The following RBL2 variants were observed in gnomAD, a reference collection of about 807,000 sequenced individuals.
The protein encoded by RBL2 is RB transcriptional corepressor like 2.
RBL2 carries 56 observed loss-of-function variants against 126.0 expected under a neutral mutation model. That is an observed-to-expected ratio of 0.44 (90% confidence interval 0.36 to 0.56). RBL2 has a LOEUF of 0.56. Ranked by LOEUF, RBL2 falls within the 20% of genes least tolerant of loss-of-function variation. The probability of loss-of-function intolerance (pLI) is 0.00; values close to 1 mark genes in which losing one functional copy is unlikely to be tolerated. For missense variants in RBL2, 1,229 were observed against 1,398.2 expected (o/e 0.88, Z 1.93); for synonymous variants, 454 against 478.5 (o/e 0.95, Z 0.67).
At chr16:53,454,244 G>A (rs1052123069) in intron 7 of RBL2, 35 of 451,358 alleles carry the variant, frequency 7.8e-5, no homozygotes, top group Non-Finnish European at 1.2e-4. Context: ...TCGCTGTGTC[G>A]CCCAGGCTGG....
At position 53,434,507 on chromosome 16, in the gene RBL2, C is replaced by T. The variant is rs753622817; in HGVS notation, c.-50C>T. The T allele has an allele frequency of 1.6e-5, 22 of 1,348,274 alleles. No individual in the cohort carries two copies. In the South Asian group the frequency reaches 3.6e-4, roughly 22 times the overall value. 83.5% of individuals were successfully genotyped at this position (1,348,274 alleles called of 1,614,324 possible). A position where few individuals can be genotyped will look rare whatever the true frequency, so the allele number is the denominator to read the frequency against. On this transcript the variant is annotated 5_prime_UTR_variant, in exon 1 of 22. Coordinates refer to ENST00000262133, the MANE Select transcript of RBL2 (RefSeq NM_005611.4). ...GGGCGCTTCGCCGTTTGAATGGCTGCGGGCCCGGGCCCTCACCTCACCTGA... is the reference window on the plus strand; with the variant it reads ...GGGCGCTTCGCCGTTTGAATGGCTGTGGGCCCGGGCCCTCACCTCACCTGA...
intron 16 of RBL2, 37 bp from the exon 17 acceptor site, chr16:53,470,709 A>G: frequency 6.2e-7 from 1 of 1,612,196 alleles, no homozygotes; most frequent in Non-Finnish European, 8.5e-7. Context: ...GGGAAATACA[A>G]GTGTTAAACA....
At chr16:53,451,992 T>TA (rs2058120118) in intron 5 of RBL2, among the ~76,000 whole-genome samples, 161 bp downstream of exon 5, 1 of 152,026 alleles carries the variant, frequency 6.6e-6, no homozygotes, top group Non-Finnish European at 1.5e-5. Flanking sequence ...GTAAAAATAT[T>TA]TTTGGATAAA....
At chr16:53,448,598 C>T (rs1311970414) in intron 4 of RBL2, 1 of 152,398 alleles carries the variant, frequency 6.6e-6, no homozygotes, top group East Asian at 1.9e-4. Flanking sequence ...ATTCTTGTGG[C>T]TCAGCCTCTT....
At chr16:53,489,646 A>G (rs1961324159) in intron 21 of RBL2, 1 of 152,236 alleles carries the variant, frequency 6.6e-6, no homozygotes, top group Non-Finnish European at 1.5e-5. Context: ...ATTAGCTACA[A>G]TGGATACCTT....
At chr16:53,486,126 A>G (rs1462567419) in intron 21 of RBL2, among the ~76,000 whole-genome samples, 8 of 34,908 alleles carry the variant, frequency 2.3e-4, no homozygotes, top group African/African-American at 9.2e-4. Context: ...CTTGTCTCTG[A>G]AAAAAAAAAA....
chr16:53,485,085 G>T (rs982086096), intron 21 of RBL2, among the ~76,000 whole-genome samples: 7 of 151,612 alleles, frequency 4.6e-5, no homozygotes, highest in African/African-American at 1.7e-4. Context: ...TACAGAAGAT[G>T]TAGACATTAT....
rs1443534126 is a variant in RBL2 at position 53,490,404 on chromosome 16, G to A, written c.*104G>A. On this transcript the variant is annotated 3_prime_UTR_variant, in exon 22 of 22. Coordinates refer to ENST00000262133, the MANE Select transcript of RBL2 (RefSeq NM_005611.4). ...TCCTTAATCCAGCTGATGAGTTACA[G>A]CCTGTTAGTAACATGAGGGGACATT... 1.9e-6 allele frequency: 2 copies of A among 1,026,752 alleles called. No individual in the cohort carries two copies. The highest frequency in any genetic ancestry group is 2.7e-6 in the Non-Finnish European group (2 of 730,082). 63.6% of individuals were successfully genotyped at this position (1,026,752 alleles called of 1,614,324 possible).
intron 2 of RBL2, among the ~76,000 whole-genome samples, chr16:53,441,903 C>G (rs187007742): frequency 2.0e-5 from 3 of 152,204 alleles, no homozygotes; most frequent in African/African-American, 7.2e-5. Context: ...TCACTGCAAC[C>G]TCCGCCTCCC....
chr16:53,466,997 T>C, intron 13 of RBL2, 61 bp from the exon 14 acceptor site: 2 of 1,156,420 alleles, frequency 1.7e-6, no homozygotes, highest in East Asian at 4.8e-5. Context: ...AGATTACTAT[T>C]GTATTTGTAA....
Position 53,470,160 on chromosome 16 carries a change from G to A in RBL2, c.2220G>A (p.Gly740=). Residue 740 remains glycine, a synonymous_variant, in exon 15 of 22, where the codon GGG becomes GGA. Coordinates refer to ENST00000262133, the MANE Select transcript of RBL2 (RefSeq NM_005611.4). ...MATATVTANN[G]QTVTIPVQGI... is the part of the protein sequence containing the mutation. ...CCGCCACTGTCACAGCCAACAATGG[G>A]CAAACGGTAACCATTCCTGTGCAAG... The A allele has an allele frequency of 6.2e-7, 1 of 1,611,342 alleles. No homozygotes were observed. Among genetic ancestry groups the A allele is most frequent in the Non-Finnish European group, 8.5e-7 (1 of 1,177,784 alleles).
Position 53,461,834 on chromosome 16 carries a change from C to T in RBL2, c.1440C>T (p.Phe480=). The change falls in exon 10 of 22, where the codon TTC becomes TTT. Residue 480 remains phenylalanine, a synonymous_variant. Coordinates refer to ENST00000262133, the MANE Select transcript of RBL2 (RefSeq NM_005611.4). ...YSQHFQPDED[F]SNCAKEIASK... Reference sequence around the variant, plus strand: ...AGCATTTCCAGCCAGACGAGGATTTCAGTAATTGTGCTAAAGGTAAGGTTT... The same window carrying T: ...AGCATTTCCAGCCAGACGAGGATTTTAGTAATTGTGCTAAAGGTAAGGTTT... 1 of 1,611,300 alleles carries T rather than the reference C, an allele frequency of 6.2e-7. No homozygotes were observed. The highest frequency in any genetic ancestry group is 8.5e-7 in the Non-Finnish European group (1 of 1,178,008).
In RBL2 at chr16:53,470,625, C is replaced by A. The variant is rs768726654; in HGVS notation, c.2488C>A (p.Pro830Thr). 2 of 1,614,166 alleles carry A rather than the reference C, an allele frequency of 1.2e-6. No homozygotes were observed. The highest frequency in any genetic ancestry group is 1.7e-6 in the Non-Finnish European group (2 of 1,180,014). Residue 830 changes from proline to threonine, a missense_variant, in exon 16 of 22, where the codon CCC becomes ACC. By Grantham distance (38) the Pro-to-Thr change is conservative. Around this residue, in one of 2 missense-constraint regions of RBL2, gnomAD observed 1,070 missense variants for 1,274.3 expected, o/e 0.84. Coordinates refer to ENST00000262133, the MANE Select transcript of RBL2 (RefSeq NM_005611.4). ...GTCTGTAACCAGCAGTAGTAATAGA[C>A]CCAGGAAGACCAGCTCTTTATCGCT... ...GQSVTSSSNR[P>T]RKTSSLSLFF...
chr16:53,462,200 T>A (rs1230958396), intron 10 of RBL2, among the ~76,000 whole-genome samples: 1 of 152,196 alleles, frequency 6.6e-6, no homozygotes, highest in East Asian at 1.9e-4. Context: ...CTAGGAATTG[T>A]TTGCTGTCAG....
chr16:53,444,920 A>G (rs1024920184), intron 3 of RBL2, among the ~76,000 whole-genome samples: 1 of 152,212 alleles, frequency 6.6e-6, no homozygotes, highest in African/African-American at 2.4e-5. Flanking sequence ...AGTGAGGCCA[A>G]TGTGATCATT....
chr16:53,474,785 G>C (rs1163797763), intron 17 of RBL2, among the ~76,000 whole-genome samples: 1 of 152,180 alleles, frequency 6.6e-6, no homozygotes, highest in African/African-American at 2.4e-5. Flanking sequence ...TCTTGTTGTG[G>C]CTTTGTCTGG....
At position 53,470,746 on chromosome 16, in the gene RBL2, G is replaced by A. The variant is rs781006235; in HGVS notation, c.2527G>A (p.Val843Ile). 1.2e-6 allele frequency: 2 copies of A among 1,613,876 alleles called. No individual in the cohort carries two copies. The highest frequency in any genetic ancestry group is 1.7e-6 in the Non-Finnish European group (2 of 1,179,916). The change falls in exon 17 of 22, where the codon GTA (valine) becomes ATA (isoleucine). Residue 843 changes from valine to isoleucine, a missense_variant and splice_region_variant. By Grantham distance (29) the Val-to-Ile change is conservative. This residue lies in a region of RBL2 where 1,070 missense variants were observed against 1,274.3 expected (regional missense o/e 0.84). Coordinates refer to ENST00000262133, the MANE Select transcript of RBL2 (RefSeq NM_005611.4). Reference protein sequence around the residue: ...TSSLSLFFRKVYHLAAVRLRD... With the variant: ...TSSLSLFFRKIYHLAAVRLRD... ...AGTTTGAAATGTTTTTATCTCCTAG[G>A]TATACCATTTAGCAGCTGTCCGCCT...
chr16:53,487,962 T>C (rs1172728322), intron 21 of RBL2: 1 of 152,260 alleles, frequency 6.6e-6, no homozygotes, highest in Non-Finnish European at 1.5e-5. Context: ...CAATTTTACA[T>C]ATTGCTGGTG....
chr16:53,476,892 A>C (rs1656369816), intron 17 of RBL2, among the ~76,000 whole-genome samples: 2 of 152,240 alleles, frequency 1.3e-5, no homozygotes, highest in African/African-American at 4.8e-5. Context: ...TGTAGATAAA[A>C]TACATTTGGA....
Sources: gnomAD v4.1 joint callset for allele counts (sites outside exome capture counted in the v4.1 genomes callset) on GRCh38, gnomAD v4.1.1 for gene constraint, gnomAD v4.1.1 regional missense constraint, MANE v1.5 for transcripts, NCBI Gene and HGNC (gene_info 2026-07-23, HGNC 2026-07-21) for gene names.